CFAP95: variants seen among roughly 807,000 people sequenced by gnomAD.
The protein encoded by CFAP95 is cilia- and flagella-associated protein 95.
chr9:69,833,133 A>G, the CFAP95 span, among the ~76,000 whole-genome samples: 3 of 151,834 alleles, frequency 2.0e-5, no homozygotes, highest in Non-Finnish European at 4.4e-5. Context: ...ATGTTTTATT[A>G]CCCCCTCAAA....
the CFAP95 span, among the ~76,000 whole-genome samples, chr9:69,842,066 G>A: frequency 6.6e-6 from 1 of 152,174 alleles, no homozygotes; most frequent in East Asian, 1.9e-4. Flanking sequence ...GTGTCCCCAA[G>A]CCCAGAGTGC....
At chr9:69,899,090 G>T in the CFAP95 span, among the ~76,000 whole-genome samples, 1 of 152,158 alleles carries the variant, frequency 6.6e-6, no homozygotes, top group Non-Finnish European at 1.5e-5. Context: ...AAATTCTTCT[G>T]GTTACACTCA....
chr9:69,820,876 T>TC, the CFAP95 span: 2 of 1,613,798 alleles, frequency 1.2e-6, no homozygotes, highest in Non-Finnish European at 1.7e-6. Flanking sequence ...CCTCGAGGGC[T>TC]CCCATGGATA....
At chr9:69,831,628 G>A in the CFAP95 span, among the ~76,000 whole-genome samples, 2 of 152,112 alleles carry the variant, frequency 1.3e-5, no homozygotes, top group African/African-American at 4.8e-5. Flanking sequence ...TTTGATTAGC[G>A]GTAAGCAGGT....
the CFAP95 span, among the ~76,000 whole-genome samples, chr9:69,896,549 G>C: frequency 6.6e-6 from 1 of 152,140 alleles, no homozygotes; most frequent in Admixed American, 6.6e-5. Context: ...CTCATGCTCT[G>C]TTAATATCTG....
the CFAP95 span, among the ~76,000 whole-genome samples, chr9:69,840,057 AC>A: frequency 6.6e-6 from 1 of 150,442 alleles, no homozygotes; most frequent in Non-Finnish European, 1.5e-5. Context: ...AGCCTGGGCA[AC>A]AAAAGCAAAA....
At chr9:69,882,259 G>T in the CFAP95 span, among the ~76,000 whole-genome samples, 1 of 152,224 alleles carries the variant, frequency 6.6e-6, no homozygotes, top group East Asian at 1.9e-4. Flanking sequence ...GGGGGCATGA[G>T]CCACCATGCC....
At chr9:69,875,793 T>A in the CFAP95 span, among the ~76,000 whole-genome samples, 1 of 152,220 alleles carries the variant, frequency 6.6e-6, no homozygotes, top group Admixed American at 6.5e-5. Flanking sequence ...TAATGTAAGT[T>A]AATATTTTTA....
the CFAP95 span, among the ~76,000 whole-genome samples, chr9:69,876,688 G>T: frequency 2.6e-5 from 4 of 152,132 alleles, no homozygotes; most frequent in Admixed American, 2.6e-4. Flanking sequence ...AGGCTAGAGT[G>T]CAATGGCGCA....
At chr9:69,827,821 A>T in the CFAP95 span, among the ~76,000 whole-genome samples, 6,496 of 152,138 alleles carry the variant, frequency 0.043, 464 homozygotes, top group African/African-American at 0.15. Flanking sequence ...TAGGCTGGTC[A>T]CCCTGCAGCC....
the CFAP95 span, among the ~76,000 whole-genome samples, chr9:69,852,457 G>T: frequency 2.0e-5 from 3 of 152,260 alleles, no homozygotes; most frequent in East Asian, 5.8e-4. Context: ...TTAGCAGTTG[G>T]AGGAGTTGTC....
At chr9:69,874,946 A>T in the CFAP95 span, among the ~76,000 whole-genome samples, 1 of 152,138 alleles carries the variant, frequency 6.6e-6, no homozygotes, top group Non-Finnish European at 1.5e-5. Context: ...AACCAGGGGG[A>T]TCTGTTTGTA....
chr9:69,888,477 T>G, the CFAP95 span, among the ~76,000 whole-genome samples: 4 of 152,120 alleles, frequency 2.6e-5, no homozygotes, highest in Non-Finnish European at 5.9e-5. Context: ...TATAATCAAC[T>G]AACTAGTAAA....
the CFAP95 span, among the ~76,000 whole-genome samples, chr9:69,879,379 G>A: frequency 6.6e-6 from 1 of 152,110 alleles, no homozygotes; most frequent in African/African-American, 2.4e-5. Context: ...GGAGATATTG[G>A]TTTGGAAGCT....
At chr9:69,866,895 C>T in the CFAP95 span, among the ~76,000 whole-genome samples, 1 of 152,224 alleles carries the variant, frequency 6.6e-6, no homozygotes, top group Non-Finnish European at 1.5e-5. Flanking sequence ...GGCAAGAGTG[C>T]TACCTGAGTG....
the CFAP95 span, among the ~76,000 whole-genome samples, chr9:69,834,557 T>G: frequency 1.3e-5 from 2 of 152,242 alleles, no homozygotes; most frequent in Non-Finnish European, 2.9e-5. Flanking sequence ...ACATTTAAAC[T>G]GTTACGATAG....
At chr9:69,900,409 C>T in the CFAP95 span, among the ~76,000 whole-genome samples, 1 of 152,142 alleles carries the variant, frequency 6.6e-6, no homozygotes, top group Admixed American at 6.5e-5. Flanking sequence ...GAGGGTTTTA[C>T]GTGTGGTATT....
the CFAP95 span, among the ~76,000 whole-genome samples, chr9:69,842,791 G>A: frequency 7.9e-5 from 12 of 152,306 alleles, no homozygotes; most frequent in Middle Eastern, 6.8e-3. Context: ...TTACCAAAAA[G>A]CATTTAGTGT....
the CFAP95 span, among the ~76,000 whole-genome samples, chr9:69,843,600 C>CTT: frequency 1.4e-5 from 1 of 70,492 alleles, no homozygotes; most frequent in Non-Finnish European, 2.4e-5. Flanking sequence ...TCTTCTTCTT[C>CTT]TTCTTCTTCT....
Sources: allele counts gnomAD v4.1 joint callset (sites outside exome capture counted in the v4.1 genomes callset), GRCh38; gene constraint gnomAD v4.1.1; transcripts MANE v1.5; gene names NCBI Gene and HGNC (gene_info 2026-07-23, HGNC 2026-07-21).